PLXND1: variants seen among roughly 807,000 people sequenced by gnomAD.
PLXND1 encodes plexin D1.
PLXND1 carries 54 observed loss-of-function variants against 197.7 expected under a neutral mutation model. That is an observed-to-expected ratio of 0.27 (90% confidence interval 0.22 to 0.34). The LOEUF is 0.34. Ranked by LOEUF, PLXND1 falls within the 10% of genes least tolerant of loss-of-function variation. PLXND1 has a pLI of 1.00. For synonymous variants in PLXND1, 1,180 were observed against 1,161.2 expected, an observed-to-expected ratio of 1.02 and a Z score of -0.33; for missense variants, 2,127 against 2,699.2, an observed-to-expected ratio of 0.79 and a Z score of 4.70.
chr3:129,584,630 G>A, intron 5 of PLXND1, 68 bp from the exon 6 acceptor site: 1 of 1,465,034 alleles, frequency 6.8e-7, no homozygotes, highest in Non-Finnish European at 9.2e-7. Flanking sequence ...CCAGGGCTGT[G>A]CACCAACCCA....
chr3:129,592,550 C>G (rs1460554703), intron 1 of PLXND1, among the ~76,000 whole-genome samples: 1 of 152,084 alleles, frequency 6.6e-6, no homozygotes, highest in Non-Finnish European at 1.5e-5. Context: ...TCGGGGTGAT[C>G]TGTGGGCTAG....
At chr3:129,592,616 C>T (rs13098496) in intron 1 of PLXND1, among the ~76,000 whole-genome samples, 1 of 152,236 alleles carries the variant, frequency 6.6e-6, no homozygotes, top group Admixed American at 6.5e-5. Context: ...GCCCGCTCCC[C>T]CCTCCCCCAC....
At chr3:129,578,777 C>T (rs748099786) in intron 8 of PLXND1, among the ~76,000 whole-genome samples, 2 of 152,202 alleles carry the variant, frequency 1.3e-5, no homozygotes, top group Non-Finnish European at 2.9e-5. Flanking sequence ...GTCTCTGGGC[C>T]TCACCTTTCC....
Position 129,567,489 on chromosome 3 carries a change from G to A in PLXND1, c.4086+3C>T. ...TTCAGGGCAGGCTCAGGCTCGGGCT[G>A]ACCTTGGGGAAGAAGGTGCGGGTCA... On this transcript the variant is annotated splice_donor_region_variant and intron_variant, in intron 22 of 35. Coordinates refer to ENST00000324093, the MANE Select transcript of PLXND1 (RefSeq NM_015103.3). 6.4e-7 allele frequency: 1 copy of A among 1,569,210 alleles called. No homozygotes were observed. The highest frequency in any genetic ancestry group is 8.7e-7 in the Non-Finnish European group (1 of 1,145,346).
At position 129,605,998 on chromosome 3, in the gene PLXND1, G is replaced by A. The variant is rs1443619386; in HGVS notation, c.642C>T (p.Thr214=). 3.1e-6 allele frequency: 5 copies of A among 1,610,150 alleles called. No homozygotes were observed. Among genetic ancestry groups the A allele is most frequent in the Admixed American group, 1.7e-5 (1 of 59,918 alleles). The change falls in exon 1 of 36, where the codon ACC becomes ACT. Residue 214 remains threonine, a synonymous_variant. Transcript: ENST00000324093. ...GCGGGAAGAAGGAGCTGCCGTAACC[G>A]GTGTACGTGGCGCCCACGAGCAGGC... ...GSRLLVGATY[T]GYGSSFFPRN... is the part of the protein sequence containing the mutation.
chr3:129,568,867 T>C (rs1445235517), intron 20 of PLXND1, among the ~76,000 whole-genome samples: 1 of 152,194 alleles, frequency 6.6e-6, no homozygotes, highest in African/African-American at 2.4e-5. Flanking sequence ...TGGTTTCTAG[T>C]ATATTCACAG....
intron 9 of PLXND1, 44 bp downstream of exon 9, chr3:129,578,285 G>A (rs778123887): frequency 7.9e-7 from 1 of 1,259,782 alleles, no homozygotes; most frequent in African/African-American, 1.5e-5. Context: ...GTGCTCCCCG[G>A]CCTCCTCCTG....
In PLXND1 at chr3:129,605,904, G is replaced by T. The variant is rs201381915; in HGVS notation, c.736C>A (p.Arg246Ser). 3.7e-6 allele frequency: 6 copies of T among 1,613,408 alleles called. No homozygotes were observed. In the Middle Eastern group the frequency reaches 5.0e-4, roughly 133 times the overall value. The change falls in exon 1 of 36, where the codon CGC becomes AGC. Residue 246 changes from arginine to serine, a missense_variant. Coordinates refer to ENST00000324093, the MANE Select transcript of PLXND1 (RefSeq NM_015103.3). ...GTGAAGAGCTTGGCCAGGTCGCCGC[G>T]CGTGTCCAGGGAGCGGATGGCGATC... ...PEIAIRSLDT[R>S]GDLAKLFTFD...
chr3:129,559,454 A>C (rs1359090127), intron 32 of PLXND1, 166 bp downstream of exon 32: 1 of 589,274 alleles, frequency 1.7e-6, no homozygotes, highest in East Asian at 2.8e-5. Context: ...TGGAGGGGAA[A>C]CTGAAGCACA....
At position 129,571,582 on chromosome 3, in the gene PLXND1, G is replaced by C; in HGVS notation, c.3263C>G (p.Thr1088Arg). The C allele has an allele frequency of 6.2e-7, 1 of 1,613,908 alleles. No individual in the cohort carries two copies. Among genetic ancestry groups the C allele is most frequent in the South Asian group, 1.1e-5 (1 of 91,088 alleles). The stretch of plus-strand genomic sequence containing the variant: ...CATGTGGAAACGCTCACCAGCCACT[G>C]TGATGGTCCTGCCGCCACTGCGGGG... ...RSPVSGGRTI[T>R]VAGERFHMVQ... is the part of the protein sequence containing the mutation. Residue 1088 changes from threonine to arginine, a missense_variant, in exon 17 of 36, where the codon ACA (threonine) becomes AGA (arginine). Physicochemically the swap from Thr to Arg is moderately conservative, Grantham distance 71. This residue lies in a region of PLXND1 where 532 missense variants were observed against 811.0 expected (regional missense o/e 0.66). Transcript: ENST00000324093.
At position 129,575,455 on chromosome 3, in the gene PLXND1, G is replaced by A. The variant is rs1343436140; in HGVS notation, c.2530+14C>T. On this transcript the variant is annotated intron_variant, in intron 11 of 35. Coordinates refer to ENST00000324093, the MANE Select transcript of PLXND1 (RefSeq NM_015103.3). ...GAGGCCCCGAGGCCATGTGGGGCGG[G>A]TGGGGGTGCCCACCTGTCATGGGCT... 17 of 1,527,572 alleles carry A rather than the reference G, an allele frequency of 1.1e-5. No individual in the cohort carries two copies. Among genetic ancestry groups the A allele is most frequent in the Non-Finnish European group, 1.4e-5 (16 of 1,125,414 alleles). The allele number at this position is 1,527,572 out of a possible 1,614,324, so 94.6% of individuals were successfully genotyped here. A position where few individuals can be genotyped will look rare whatever the true frequency, so the allele number is the denominator to read the frequency against.
chr3:129,590,764 G>A (rs2085528702), intron 1 of PLXND1, among the ~76,000 whole-genome samples: 1 of 152,198 alleles, frequency 6.6e-6, no homozygotes, highest in African/African-American at 2.4e-5. Context: ...TCACAGATGG[G>A]GAAACTGAGG....
chr3:129,600,310 T>C (rs950430855), intron 1 of PLXND1, among the ~76,000 whole-genome samples: 3 of 152,216 alleles, frequency 2.0e-5, no homozygotes, highest in African/African-American at 7.2e-5. Context: ...GGCCAGTTTT[T>C]TCTGGTGTCT....
At chr3:129,586,317 C>A in intron 3 of PLXND1, 45 bp from the exon 4 acceptor site, 1 of 1,432,548 alleles carries the variant, frequency 7.0e-7, no homozygotes, top group South Asian at 1.2e-5. Context: ...CTGCCAGCCT[C>A]TCCCTTGGGG....
chr3:129,584,165 A>G lies in PLXND1; in HGVS notation c.2098T>C (p.Tyr700His). The G allele has an allele frequency of 6.3e-7, 1 of 1,574,892 alleles. No homozygotes were observed. ...RNIVKANFTI[Y>H]DCSRTAQVYP... ...ACTTGTGCAGTGCGGCTGCAGTCGT[A>G]GATGGTGAAATTGGCCTTGACGATG... The change falls in exon 7 of 36, where the codon TAC becomes CAC. Residue 700 changes from tyrosine (Y) to histidine (H), a missense_variant. By Grantham distance (83) the Tyr-to-His change is moderately conservative. Around this residue, in one of 6 missense-constraint regions of PLXND1, gnomAD observed 1,095 missense variants for 1,259.8 expected, o/e 0.87. Coordinates refer to ENST00000324093, the MANE Select transcript of PLXND1 (RefSeq NM_015103.3).
intron 28 of PLXND1, 42 bp from the exon 29 acceptor site, chr3:129,561,751 G>A (rs1244366799): frequency 6.5e-7 from 1 of 1,547,620 alleles, no homozygotes; most frequent in African/African-American, 1.4e-5. Flanking sequence ...CCGGAGGTTG[G>A]GGTGGGGGCA....
Position 129,572,712 on chromosome 3 carries a change from G to A in PLXND1, c.2974C>T (p.Pro992Ser), listed in dbSNP as rs1394627602. ...GTGATCCTGGTGCCCCCGGCCTTGGGGCCCATGGTAGGCTCCAGGGAGTGG... is the reference window on the plus strand; with the variant it reads ...GTGATCCTGGTGCCCCCGGCCTTGGAGCCCATGGTAGGCTCCAGGGAGTGG... ...LVHSLEPTMGPKAGGTRITIH... is the reference protein window; with the variant it reads ...LVHSLEPTMGSKAGGTRITIH... Residue 992 changes from proline (P) to serine (S), a missense_variant, in exon 15 of 36, where the codon CCC (proline) becomes TCC (serine). Around this residue, in one of 6 missense-constraint regions of PLXND1, gnomAD observed 1,095 missense variants for 1,259.8 expected, o/e 0.87. Coordinates refer to ENST00000324093, the MANE Select transcript of PLXND1 (RefSeq NM_015103.3). 1.2e-6 allele frequency: 2 copies of A among 1,600,350 alleles called. No homozygotes were observed. The highest frequency in any genetic ancestry group is 1.7e-6 in the Non-Finnish European group (2 of 1,173,014).
chr3:129,559,312 A>T, intron 32 of PLXND1: 1 of 285,570 alleles, frequency 3.5e-6, no homozygotes, highest in South Asian at 1.0e-4. Context: ...CAGTGTGCTT[A>T]TCTGTGAAGT....
intron 6 of PLXND1, 31 bp downstream of exon 6, chr3:129,584,353 CT>C: frequency 6.2e-7 from 1 of 1,608,062 alleles, no homozygotes; most frequent in Non-Finnish European, 8.5e-7. Flanking sequence ...TTCTGCCCCT[CT>C]GGGGCTGTGC....
Sources: allele counts gnomAD v4.1 joint callset (sites outside exome capture counted in the v4.1 genomes callset), GRCh38; gene constraint gnomAD v4.1.1; regional missense constraint gnomAD v4.1.1; transcripts MANE v1.5; gene names NCBI Gene and HGNC (gene_info 2026-07-23, HGNC 2026-07-21).